C4BPB: variants seen among roughly 807,000 people sequenced by gnomAD.
C4BPB encodes C4b-binding protein beta chain.
C4BPB carries 19 observed loss-of-function variants against 26.6 expected under a neutral mutation model. The observed-to-expected ratio is 0.71, with a 90% CI of 0.50 to 1.05. The LOEUF (loss-of-function observed/expected upper bound fraction) is 1.05. Ranked by LOEUF, C4BPB falls within the 50% of genes least tolerant of loss-of-function variation. The pLI, the probability that C4BPB is intolerant of heterozygous loss-of-function variation, is 0.00. For missense variants in C4BPB, 282 were observed against 302.9 expected, an observed-to-expected ratio of 0.93 and a Z score of 0.51; for synonymous variants, 118 against 103.5, an observed-to-expected ratio of 1.14 and a Z score of -0.85.
chr1:207,092,208 C>A (rs972681768), intron 4 of C4BPB, among the ~76,000 whole-genome samples: 1 of 152,182 alleles, frequency 6.6e-6, no homozygotes, highest in East Asian at 1.9e-4. Flanking sequence ...AGGCTAAAGA[C>A]CCTCTTTCTA....
intron 6 of C4BPB, among the ~76,000 whole-genome samples, chr1:207,098,582 T>G (rs553568290): frequency 6.6e-6 from 1 of 152,180 alleles, no homozygotes; most frequent in African/African-American, 2.4e-5. Context: ...GGAAGATGAC[T>G]TTTCCACGGA....
At chr1:207,097,527 A>G (rs1684300999) in intron 5 of C4BPB, among the ~76,000 whole-genome samples, 1 of 126,280 alleles carries the variant, frequency 7.9e-6, no homozygotes, top group South Asian at 2.9e-4. Flanking sequence ...CTGGCCTAAA[A>G]TGTATGTTTT....
At position 207,096,631 on chromosome 1, in the gene C4BPB, C is replaced by T; in HGVS notation, c.503+16C>T. 2.8e-6 allele frequency: 4 copies of T among 1,406,186 alleles called. No individual in the cohort carries two copies. Among genetic ancestry groups the T allele is most frequent in the Non-Finnish European group, 4.0e-6 (4 of 1,004,414 alleles). 87.1% of individuals were successfully genotyped at this position (1,406,186 alleles called of 1,614,324 possible). A position where few individuals can be genotyped will look rare whatever the true frequency, so the allele number is the denominator to read the frequency against. The stretch of plus-strand genomic sequence containing the variant: ...GTGAAGACAGGTAAGTGAACACAGC[C>T]TGTCAAATGCCAGATCTTGCCCCTT... On this transcript the variant is annotated intron_variant, in intron 5 of 6. Transcript: ENST00000367078.
intron 4 of C4BPB, among the ~76,000 whole-genome samples, chr1:207,092,629 C>CTTTTTTTTTTTTTT (rs755904248): frequency 7.4e-6 from 1 of 134,596 alleles, no homozygotes; most frequent in African/African-American, 2.8e-5. Context: ...TTCTTTCTTT[C>CTTTTTTTTTTTTTT]TTTTTTTTTT....
At chr1:207,091,542 C>T in intron 3 of C4BPB, 102 bp from the exon 4 acceptor site, 1 of 839,376 alleles carries the variant, frequency 1.2e-6, no homozygotes, top group Non-Finnish European at 1.9e-6. Context: ...GCAGTATTAA[C>T]TCTAATTTGC....
intron 4 of C4BPB, chr1:207,095,656 A>G: frequency 2.9e-6 from 1 of 347,426 alleles, no homozygotes; most frequent in East Asian, 7.8e-5. Flanking sequence ...ACTCTCTTTG[A>G]TATAGTTTGG....
intron 1 of C4BPB, 115 bp from the exon 2 acceptor site, chr1:207,089,367 A>AT (rs1298512464): frequency 5.5e-5 from 32 of 586,166 alleles, no homozygotes; most frequent in Non-Finnish European, 7.9e-5. Flanking sequence ...CTGTCGTAAG[A>AT]TTTTTTCTTT....
intron 2 of C4BPB, 30 bp downstream of exon 2, chr1:207,089,619 C>A: frequency 1.2e-6 from 2 of 1,606,012 alleles, no homozygotes; most frequent in Non-Finnish European, 1.7e-6. Flanking sequence ...ACTCAGCTTA[C>A]AGGCATTTGG....
intron 3 of C4BPB, 68 bp downstream of exon 3, chr1:207,090,549 C>T (rs1320960486): frequency 1.4e-6 from 2 of 1,380,416 alleles, no homozygotes; most frequent in Non-Finnish European, 2.0e-6. Flanking sequence ...ATCCTACTTC[C>T]TATAGGCTGT....
At chr1:207,099,106 T>A (rs916957220) in intron 6 of C4BPB, among the ~76,000 whole-genome samples, 6 of 148,278 alleles carry the variant, frequency 4.0e-5, no homozygotes, top group African/African-American at 1.5e-4. Context: ...AGGCATTAGA[T>A]TCTCATCTGG....
At chr1:207,099,106 T>C (rs916957220) in intron 6 of C4BPB, among the ~76,000 whole-genome samples, 1 of 148,186 alleles carries the variant, frequency 6.7e-6, no homozygotes, top group Non-Finnish European at 1.5e-5. Flanking sequence ...AGGCATTAGA[T>C]TCTCATCTGG....
At chr1:207,099,297 A>T (rs943771104) in intron 6 of C4BPB, among the ~76,000 whole-genome samples, 1 of 152,198 alleles carries the variant, frequency 6.6e-6, no homozygotes, top group African/African-American at 2.4e-5. Flanking sequence ...CTCTGACCTG[A>T]CAGGAGGTGG....
In C4BPB at chr1:207,098,224, T is replaced by G; in HGVS notation, c.578T>G (p.Leu193Trp). 1 of 1,614,042 alleles carries G rather than the reference T, an allele frequency of 6.2e-7. No individual in the cohort carries two copies. Among genetic ancestry groups the G allele is most frequent in the South Asian group, 1.1e-5 (1 of 91,080 alleles). Residue 193 changes from leucine (L) to tryptophan (W), a missense_variant, in exon 6 of 7, where the codon TTG becomes TGG. By Grantham distance (61) the Leu-to-Trp change is moderately conservative (BLOSUM62 -2). Transcript: ENST00000367078. ...AGCAGTGCACTTCCAGTCTGCAAGT[T>G]GATCCAGGAAGCTCCCAAACCAGAG... ...EWSSALPVCK[L>W]IQEAPKPECE... is the part of the protein sequence containing the mutation.
At chr1:207,092,838 ACT>A (rs1684090176) in intron 4 of C4BPB, among the ~76,000 whole-genome samples, 4 of 151,486 alleles carry the variant, frequency 2.6e-5, no homozygotes, top group South Asian at 4.2e-4. Context: ...TCTTGGCCAG[ACT>A]GGTCTTGAAC....
intron 5 of C4BPB, among the ~76,000 whole-genome samples, chr1:207,097,194 T>A (rs1296253186): frequency 6.6e-6 from 1 of 151,876 alleles, no homozygotes; most frequent in Non-Finnish European, 1.5e-5. Context: ...ATAAATAAAA[T>A]GTATGGGTTT....
intron 4 of C4BPB, among the ~76,000 whole-genome samples, chr1:207,094,256 G>A (rs1398463931): frequency 1.3e-5 from 2 of 151,708 alleles, no homozygotes; most frequent in African/African-American, 2.4e-5. Flanking sequence ...CAGGAGGATA[G>A]CTTGAGTCCA....
chr1:207,090,127 T>C (rs1251831025), intron 2 of C4BPB, among the ~76,000 whole-genome samples, 181 bp from the exon 3 acceptor site: 1 of 152,102 alleles, frequency 6.6e-6, no homozygotes, highest in African/African-American at 2.4e-5. Flanking sequence ...AAAAATTAGC[T>C]GGGCGTGGTG....
At chr1:207,093,531 C>A (rs1040023814) in intron 4 of C4BPB, among the ~76,000 whole-genome samples, 6 of 152,082 alleles carry the variant, frequency 3.9e-5, no homozygotes, top group Non-Finnish European at 8.8e-5. Flanking sequence ...AAAGTCTATT[C>A]AATAGTGATG....
chr1:207,091,250 A>T (rs1684012387), intron 3 of C4BPB, among the ~76,000 whole-genome samples: 1 of 152,180 alleles, frequency 6.6e-6, no homozygotes, highest in African/African-American at 2.4e-5. Context: ...GAAAAAGCAC[A>T]ACAAAATAAA....
Sources: allele counts gnomAD v4.1 joint callset (sites outside exome capture counted in the v4.1 genomes callset), GRCh38; gene constraint gnomAD v4.1.1; transcripts MANE v1.5; gene names NCBI Gene and HGNC (gene_info 2026-07-23, HGNC 2026-07-21).